The following WDR33 variants were observed in gnomAD, a reference collection of about 807,000 sequenced individuals.
WDR33 encodes pre-mRNA 3' end processing protein WDR33.
A neutral mutation model predicts 164.9 loss-of-function variants in WDR33; 47 were observed. The observed-to-expected ratio is 0.29, with a 90% CI of 0.23 to 0.36. The LOEUF (loss-of-function observed/expected upper bound fraction) is 0.36. Ranked by LOEUF, WDR33 falls within the 10% of genes least tolerant of loss-of-function variation. WDR33 has a pLI of 1.00. For synonymous variants in WDR33, 505 were observed against 589.0 expected (o/e 0.86, Z 2.06); for missense variants, 1,137 against 1,754.1 (o/e 0.65, Z 6.28).
intron 1 of WDR33, among the ~76,000 whole-genome samples, chr2:127,788,586 AG>A (rs1688710623): frequency 8.0e-6 from 1 of 124,606 alleles, no homozygotes; most frequent in African/African-American, 3.3e-5. Context: ...CTCACTTCCC[AG>A]TAGGGGCGGC....
At chr2:127,731,360 A>G (rs1361462706) in intron 7 of WDR33, among the ~76,000 whole-genome samples, 3 of 152,020 alleles carry the variant, frequency 2.0e-5, no homozygotes, top group East Asian at 3.8e-4. Context: ...CTCAGTGTTA[A>G]TAAGAGAGAG....
At position 127,706,448 on chromosome 2, in the gene WDR33, C is replaced by T. The variant is rs1008235175; in HGVS notation, c.3886G>A (p.Gly1296Ser). The T allele has an allele frequency of 6.2e-7, 1 of 1,613,262 alleles. No individual in the cohort carries two copies. Among genetic ancestry groups the T allele is most frequent in the African/African-American group, 1.3e-5 (1 of 74,856 alleles). The change falls in exon 22 of 22, where the codon GGC becomes AGC. Residue 1296 changes from glycine to serine, a missense_variant. Physicochemically the swap from Gly to Ser is moderately conservative, Grantham distance 56. Coordinates refer to ENST00000322313, the MANE Select transcript of WDR33 (RefSeq NM_018383.5). The surrounding 1 kb of genome is among the most constrained non-coding windows in gnomAD (Gnocchi z 5.1). ...GAAGGGGTGCCACTGCCTGGAGGGC[C>T]CCCAAAAGGTTCATCTCTGTGGTAT... ...DGYHRDEPFG[G>S]PPGSGTPSRG...
intron 1 of WDR33, among the ~76,000 whole-genome samples, chr2:127,779,321 C>G (rs2105457245): frequency 6.6e-6 from 1 of 152,146 alleles, no homozygotes; most frequent in East Asian, 1.9e-4. Context: ...CAAAAATTAG[C>G]TAGGTGTGGT....
intron 1 of WDR33, among the ~76,000 whole-genome samples, chr2:127,801,087 T>C (rs1689221057): frequency 6.8e-6 from 1 of 146,054 alleles, no homozygotes; most frequent in Non-Finnish European, 1.5e-5. Flanking sequence ...GACAACATAG[T>C]GAGACCCTGT....
chr2:127,735,104 C>T lies in WDR33; in HGVS notation c.725-8327G>A, dbSNP rs535821227. 3.3e-4 allele frequency among the ~76,000 whole-genome samples: 50 copies of T among 152,306 alleles called. No homozygotes were observed. Among genetic ancestry groups the T allele is most frequent in the African/African-American group, 1.2e-3 (48 of 41,554 alleles). On this transcript the variant is annotated intron_variant, in intron 7 of 21. Transcript: ENST00000322313. This position sits in a 1 kb window ranked among gnomAD's most constrained non-coding sequence, Gnocchi z 4.3. ...GTGAAGACTTCTTGTTCATTATTCCCTGTCCCAGAACCGTAAAGTGTAGTG... is the reference window on the plus strand; with the variant it reads ...GTGAAGACTTCTTGTTCATTATTCCTTGTCCCAGAACCGTAAAGTGTAGTG...
At chr2:127,771,357 A>G (rs1687996164) in intron 1 of WDR33, among the ~76,000 whole-genome samples, 1 of 152,208 alleles carries the variant, frequency 6.6e-6, no homozygotes, top group Non-Finnish European at 1.5e-5. Flanking sequence ...GTAACACAAT[A>G]AGTATTCATG....
chr2:127,807,610 G>T (rs1689486176), intron 1 of WDR33, among the ~76,000 whole-genome samples: 2 of 152,092 alleles, frequency 1.3e-5, no homozygotes, highest in Admixed American at 1.3e-4. Context: ...GGATTTAGCT[G>T]GATTTTAAGG....
Position 127,753,115 on chromosome 2 carries a change from C to T in WDR33, c.724+9947G>A, listed in dbSNP as rs541713900. 7.2e-5 allele frequency among the ~76,000 whole-genome samples: 11 copies of T among 152,062 alleles called. No homozygotes were observed. The South Asian group carries it at 8.3e-4, about 12-fold the overall frequency. On this transcript the variant is annotated intron_variant, in intron 7 of 21. Coordinates refer to ENST00000322313, the MANE Select transcript of WDR33 (RefSeq NM_018383.5). ...CTAATTTTTGTATTTTTAGTAGAGA[C>T]GGGGTTTCACCATGTTGGCCAGGCT...
chr2:127,788,450 G>A (rs1209858069), intron 1 of WDR33, among the ~76,000 whole-genome samples: 9 of 127,306 alleles, frequency 7.1e-5, no homozygotes, highest in Admixed American at 2.2e-4. Flanking sequence ...CCTCCCGGAC[G>A]GGGCGGCTGG....
At chr2:127,775,161 T>C (rs1328532468) in intron 1 of WDR33, among the ~76,000 whole-genome samples, 1 of 152,148 alleles carries the variant, frequency 6.6e-6, no homozygotes, top group Non-Finnish European at 1.5e-5. Flanking sequence ...TTTATCTCAA[T>C]TAAAGAATAA....
chr2:127,767,255 T>C (rs897578648), intron 4 of WDR33, among the ~76,000 whole-genome samples: 5 of 152,226 alleles, frequency 3.3e-5, no homozygotes, highest in Non-Finnish European at 7.3e-5. Context: ...CTCATTTTTT[T>C]TCAACTGTTA....
chr2:127,794,260 G>C (rs1161690213), intron 1 of WDR33, among the ~76,000 whole-genome samples: 4 of 152,062 alleles, frequency 2.6e-5, no homozygotes, highest in African/African-American at 9.7e-5. Context: ...AGCACTTTGG[G>C]AGGCAGAGGC....
rs555661399 is a variant in WDR33 at position 127,723,855 on chromosome 2, T to C, written c.1196+478A>G. Among the ~76,000 whole-genome samples the C allele has an allele frequency of 1.7e-4, 26 of 151,896 alleles. No homozygotes were observed. Among genetic ancestry groups the C allele is most frequent in the Non-Finnish European group, 3.5e-4 (24 of 67,956 alleles). Reference sequence around the variant, plus strand: ...ACCTTGGGAGGCTGAGGCAGGAGGATTGCCTAAGCCCAGGAGTTTGACATC... The same window carrying C: ...ACCTTGGGAGGCTGAGGCAGGAGGACTGCCTAAGCCCAGGAGTTTGACATC... On this transcript the variant is annotated intron_variant, in intron 11 of 21. Coordinates refer to ENST00000322313, the MANE Select transcript of WDR33 (RefSeq NM_018383.5). The surrounding 1 kb of genome is among the most constrained non-coding windows in gnomAD (Gnocchi z 5.9).
rs772753230 is a variant in WDR33 at position 127,709,600 on chromosome 2, C to T, written c.3473-18G>A. On this transcript the variant is annotated intron_variant, in intron 19 of 21. Coordinates refer to ENST00000322313, the MANE Select transcript of WDR33 (RefSeq NM_018383.5). The surrounding 1 kb of genome is among the most constrained non-coding windows in gnomAD (Gnocchi z 5.0). ...CCTTCCTCCTACACAACAGAGCAAA[C>T]AATGCTGCACTCAGACTGTTCCTGG... is the stretch of plus-strand genomic sequence containing the variant. 146 of 1,612,094 alleles carry T rather than the reference C, an allele frequency of 9.1e-5. 2 individuals carry two copies. The South Asian group carries it at 1.4e-3, about 15-fold the overall frequency.
rs1474446651 is a variant in WDR33, at chr2:127,724,262, A to C, written c.1196+71T>G. On this transcript the variant is annotated intron_variant, in intron 11 of 21. Transcript: ENST00000322313. This position sits in a 1 kb window ranked among gnomAD's most constrained non-coding sequence, Gnocchi z 4.8. ...AAATTACTATATCAATCAACCAATA[A>C]AAATAAACACATACAGTATTTATTT... The C allele has an allele frequency of 8.2e-7, 1 of 1,214,620 alleles. No individual in the cohort carries two copies. Among genetic ancestry groups the C allele is most frequent in the African/African-American group, 1.5e-5 (1 of 65,282 alleles). 75.2% of individuals were successfully genotyped at this position (1,214,620 alleles called of 1,614,324 possible). A position where few individuals can be genotyped will look rare whatever the true frequency, so the allele number is the denominator to read the frequency against.
rs1160590058 is a variant in WDR33, at chr2:127,701,636, G to C, written c.*4687C>G. ...CCGCGGAGAAGGCGGAGGAGCCCGG[G>C]GACCGGCCGGCGGAGGAGTGGCTGG... On this transcript the variant is annotated 3_prime_UTR_variant, in exon 22 of 22. Transcript: ENST00000322313. 1 of 1,321,372 alleles carries C rather than the reference G, an allele frequency of 7.6e-7. No homozygotes were observed. Among genetic ancestry groups the C allele is most frequent in the Non-Finnish European group, 9.6e-7 (1 of 1,039,546 alleles). The allele number at this position is 1,321,372 out of a possible 1,614,324, so 81.9% of individuals were successfully genotyped here.
In WDR33 at chr2:127,713,480, ATAAT is replaced by A; in HGVS notation, c.3308+99_3308+102del. On this transcript the variant is annotated intron_variant, in intron 18 of 21. Coordinates refer to ENST00000322313, the MANE Select transcript of WDR33 (RefSeq NM_018383.5). This position sits in a 1 kb window ranked among gnomAD's most constrained non-coding sequence, Gnocchi z 6.2. ...ACAGAGTGCAGGGCTGGTAATTGAT[ATAAT>A]TCTCTTTCCTCAAGAAAAAGAAGAA... The A allele has an allele frequency of 7.5e-7, 1 of 1,338,692 alleles. No individual in the cohort carries two copies. Among genetic ancestry groups the A allele is most frequent in the Non-Finnish European group, 1.0e-6 (1 of 966,654 alleles). 82.9% of individuals were successfully genotyped at this position (1,338,692 alleles called of 1,614,324 possible). A position where few individuals can be genotyped will look rare whatever the true frequency, so the allele number is the denominator to read the frequency against.
In WDR33 at chr2:127,721,082, C is replaced by T. The variant is rs929756477; in HGVS notation, c.1672-729G>A. ...TGTATATTTAACTTAGATCTACTCA[C>T]TGCCCCACTAATTCAGTTTTTTTAT... is the stretch of plus-strand genomic sequence containing the variant. On this transcript the variant is annotated intron_variant, in intron 15 of 21. Coordinates refer to ENST00000322313, the MANE Select transcript of WDR33 (RefSeq NM_018383.5). The surrounding 1 kb of genome is among the most constrained non-coding windows in gnomAD (Gnocchi z 4.9). Among the ~76,000 whole-genome samples the T allele has an allele frequency of 4.6e-5, 7 of 152,210 alleles. No individual in the cohort carries two copies. The highest frequency in any genetic ancestry group is 1.2e-4 in the African/African-American group (5 of 41,460).
Position 127,711,780 on chromosome 2 carries a change from ATT to A in WDR33, c.3308+1801_3308+1802del, listed in dbSNP as rs1158780905. Among the ~76,000 whole-genome samples the A allele has an allele frequency of 2.6e-3, 233 of 88,162 alleles. 1 individual carries two copies. The highest frequency in any genetic ancestry group is 5.1e-3 in the South Asian group (11 of 2,172). 57.8% of individuals were successfully genotyped at this position (88,162 alleles called of 152,430 possible). On this transcript the variant is annotated intron_variant, in intron 18 of 21. Transcript: ENST00000322313. ...TATATATATATATATATATATATAT[ATT>A]TTTTTTTTGAGACAGAGTCTCGCCC...
Sources: gnomAD v4.1 joint callset for allele counts (sites outside exome capture counted in the v4.1 genomes callset) on GRCh38, gnomAD v4.1.1 for gene constraint, Gnocchi (gnomAD v3.1) non-coding constraint, MANE v1.5 for transcripts, NCBI Gene and HGNC (gene_info 2026-07-23, HGNC 2026-07-21) for gene names.